Variants in ADGRV1 observed in about 807,000 individuals in gnomAD.
ADGRV1 encodes the protein G-protein coupled receptor 98.
ADGRV1 carries 359 observed loss-of-function variants against 596.2 expected under a neutral mutation model. The observed-to-expected ratio is 0.60, with a 90% confidence interval of 0.55 to 0.66. ADGRV1 has a LOEUF of 0.66. Among genes scored for constraint, ADGRV1 ranks in the 30% least tolerant of loss-of-function variants. The pLI is 0.00. For missense variants in ADGRV1, 7,274 were observed against 7,575.6 expected, an observed-to-expected ratio of 0.96 and a Z score of 1.48; for synonymous variants, 2,681 against 2,679.2, an observed-to-expected ratio of 1.00 and a Z score of -0.02.
intron 85 of ADGRV1, among the ~76,000 whole-genome samples, chr5:91,071,372 A>G (rs1414998530): frequency 6.6e-6 from 1 of 152,162 alleles, no homozygotes; most frequent in Non-Finnish European, 1.5e-5. Context: ...GGAAATAGAA[A>G]GGAACCTGGT....
intron 85 of ADGRV1, among the ~76,000 whole-genome samples, chr5:91,055,267 T>C (rs1786733371): frequency 6.6e-6 from 1 of 151,908 alleles, no homozygotes. Flanking sequence ...TATATATATA[T>C]ATTAACCAAA....
In ADGRV1 at chr5:90,823,699, A is replaced by T. The variant is rs992410350; in HGVS notation, c.16368+103A>T. 37 of 1,013,824 alleles carry T rather than the reference A, an allele frequency of 3.6e-5. No homozygotes were observed. In the East Asian group the frequency reaches 9.0e-4, roughly 25 times the overall value. 62.8% of individuals were successfully genotyped at this position (1,013,824 alleles called of 1,614,324 possible). A position where few individuals can be genotyped will look rare whatever the true frequency, so the allele number is the denominator to read the frequency against. ...AAACTTACACATTGTTGATAGGGAG[A>T]TTCTTTGTGTTTTTCTTAGCCATAA... is the stretch of plus-strand genomic sequence containing the variant. On this transcript the variant is annotated intron_variant, in intron 76 of 89. Transcript: ENST00000405460.
At chr5:90,969,603 T>A (rs1241837549) in intron 84 of ADGRV1, among the ~76,000 whole-genome samples, 3 of 152,202 alleles carry the variant, frequency 2.0e-5, no homozygotes, top group Non-Finnish European at 4.4e-5. Context: ...ACAAATTATT[T>A]TGCTTATTTT....
At chr5:91,048,939 A>G (rs1042582611) in intron 85 of ADGRV1, among the ~76,000 whole-genome samples, 1 of 152,188 alleles carries the variant, frequency 6.6e-6, no homozygotes, top group African/African-American at 2.4e-5. Flanking sequence ...TTTGCCTACA[A>G]TTCCATTAAG....
At chr5:91,014,433 T>C (rs1232480368) in intron 85 of ADGRV1, among the ~76,000 whole-genome samples, 1 of 152,054 alleles carries the variant, frequency 6.6e-6, no homozygotes, top group East Asian at 1.9e-4. Flanking sequence ...TTTTTTTGAA[T>C]AGTTTCAATA....
Position 90,716,606 on chromosome 5 carries a change from A to G in ADGRV1, c.9324A>G (p.Ala3108=). 7 of 1,613,918 alleles carry G rather than the reference A, an allele frequency of 4.3e-6. No individual in the cohort carries two copies. Among genetic ancestry groups the G allele is most frequent in the Non-Finnish European group, 5.1e-6 (6 of 1,179,822 alleles). The part of the protein sequence containing the change: ...VAVLYIVREP[A]QGLFGTVTVQ... ...TATTGTACATTGTTCGGGAACCTGC[A>G]CAAGGATTGTTTGGAACAGTGACAG... Residue 3108 remains alanine (A), a synonymous_variant, in exon 43 of 90, where the codon GCA becomes GCG. Coordinates refer to ENST00000405460, the MANE Select transcript of ADGRV1 (RefSeq NM_032119.4).
chr5:91,162,530 G>A (rs1487858149), intron 89 of ADGRV1, among the ~76,000 whole-genome samples: 2 of 152,266 alleles, frequency 1.3e-5, no homozygotes, highest in East Asian at 3.9e-4. Context: ...TTGAGACAGG[G>A]CAGAAAACAA....
chr5:91,063,021 C>T (rs1015097294), intron 85 of ADGRV1, among the ~76,000 whole-genome samples: 5 of 142,076 alleles, frequency 3.5e-5, no homozygotes, highest in Non-Finnish European at 7.5e-5. Flanking sequence ...TGCAGTGGCA[C>T]GATCTTGGCT....
At chr5:91,037,513 T>C (rs922841503) in intron 85 of ADGRV1, among the ~76,000 whole-genome samples, 1 of 152,116 alleles carries the variant, frequency 6.6e-6, no homozygotes, top group Non-Finnish European at 1.5e-5. Context: ...GTTATGTGGA[T>C]GGAAAGATAA....
chr5:91,101,867 C>T (rs1165052801), intron 86 of ADGRV1, among the ~76,000 whole-genome samples: 2 of 152,112 alleles, frequency 1.3e-5, no homozygotes, highest in African/African-American at 2.4e-5. Context: ...ATGCTAATTT[C>T]GGGAGCACAC....
At position 90,788,310 on chromosome 5, in the gene ADGRV1, C is replaced by T. The variant is rs779272955; in HGVS notation, c.13893C>T (p.Thr4631=). ...LDSRAKDVTL[T]IQEFGDPNGV... is the part of the protein sequence containing the mutation. ...CCAGAGCTAAAGATGTTACATTAAC[C>T]GTATGTATGGCTTTATTTTTCTCAC... The change falls in exon 68 of 90, where the codon ACC becomes ACT. Residue 4631 remains threonine (T), a splice_region_variant and synonymous_variant. Transcript: ENST00000405460. The T allele has an allele frequency of 6.2e-6, 10 of 1,603,612 alleles. No individual in the cohort carries two copies. Among genetic ancestry groups the T allele is most frequent in the South Asian group, 2.2e-5 (2 of 89,304 alleles).
chr5:90,855,975 T>C, intron 82 of ADGRV1, 74 bp downstream of exon 82: 1 of 1,225,428 alleles, frequency 8.2e-7, no homozygotes, highest in Non-Finnish European at 1.2e-6. Context: ...CATAATCCTT[T>C]TACGTATGCA....
chr5:91,145,120 T>C (rs567526890), intron 87 of ADGRV1, among the ~76,000 whole-genome samples: 2 of 152,240 alleles, frequency 1.3e-5, no homozygotes, highest in Non-Finnish European at 2.9e-5. Context: ...TTCTTTTCTT[T>C]CCATTTTAAG....
intron 69 of ADGRV1, among the ~76,000 whole-genome samples, chr5:90,790,360 A>G (rs1017356164): frequency 6.6e-6 from 1 of 152,338 alleles, no homozygotes; most frequent in South Asian, 2.1e-4. Context: ...AAATTTCTCT[A>G]TACACTGACC....
chr5:90,773,662 T>G (rs1757926285), intron 59 of ADGRV1, among the ~76,000 whole-genome samples: 1 of 152,228 alleles, frequency 6.6e-6, no homozygotes, highest in South Asian at 2.1e-4. Flanking sequence ...TTCTTGTGAA[T>G]TAGGCCCTTT....
intron 85 of ADGRV1, among the ~76,000 whole-genome samples, chr5:91,058,343 A>G (rs989115239): frequency 2.0e-5 from 3 of 152,166 alleles, no homozygotes; most frequent in African/African-American, 7.2e-5. Flanking sequence ...CAGGGATATT[A>G]ATAGTGGCCT....
At chr5:90,558,940 T>A in intron 1 of ADGRV1, 23 bp downstream of exon 1, 1 of 1,551,148 alleles carries the variant, frequency 6.4e-7, no homozygotes, top group Non-Finnish European at 8.7e-7. Flanking sequence ...TGAGGGGTGG[T>A]GCTGCGAGCA....
intron 46 of ADGRV1, 39 bp from the exon 47 acceptor site, chr5:90,725,047 G>A (rs758615197): frequency 1.3e-6 from 2 of 1,531,642 alleles, no homozygotes; most frequent in South Asian, 2.4e-5. Flanking sequence ...AATTTTAGAT[G>A]TATAATGAAT....
At chr5:90,944,236 G>A (rs1381825869) in intron 83 of ADGRV1, among the ~76,000 whole-genome samples, 1 of 152,076 alleles carries the variant, frequency 6.6e-6, no homozygotes, top group Non-Finnish European at 1.5e-5. Flanking sequence ...GGTTGGAATT[G>A]CTAGTCTTTA....
Sources: allele counts gnomAD v4.1 joint callset (sites outside exome capture counted in the v4.1 genomes callset), GRCh38; gene constraint gnomAD v4.1.1; transcripts MANE v1.5; gene names NCBI Gene and HGNC (gene_info 2026-07-23, HGNC 2026-07-21).